NOTCH2: variants seen among roughly 807,000 people sequenced by gnomAD.
The protein encoded by NOTCH2 is notch receptor 2.
A neutral mutation model predicts 235.8 loss-of-function variants in NOTCH2; 29 were observed. The ratio of observed to expected loss-of-function variants is 0.12; its 90% CI spans 0.09 to 0.17. NOTCH2 has a LOEUF of 0.17. Ranked by LOEUF, NOTCH2 falls within the 10% of genes least tolerant of loss-of-function variation. The probability of loss-of-function intolerance (pLI) is 1.00; values close to 1 mark genes in which losing one functional copy is unlikely to be tolerated. For missense variants in NOTCH2, 2,285 were observed against 3,150.2 expected (o/e 0.73, Z 6.57); for synonymous variants, 1,086 against 1,141.5 (o/e 0.95, Z 0.98).
At position 119,916,476 on chromosome 1, in the gene NOTCH2, A is replaced by G. The variant is rs1649075432; in HGVS notation, c.6246T>C (p.Pro2082=). The change falls in exon 34 of 34, where the codon CCT becomes CCC. Residue 2082 remains proline, a synonymous_variant. Coordinates refer to ENST00000256646, the MANE Select transcript of NOTCH2 (RefSeq NM_024408.4). ...PGTVLTSALS[P]VICGPNRSFL... ...AAGATCTGTTGGGCCCACAGATGAC[A>G]GGTGAGAGAGCAGAAGTCAACACGG... is the stretch of plus-strand genomic sequence containing the variant. The G allele has an allele frequency of 6.2e-7, 1 of 1,612,756 alleles. No homozygotes were observed. Among genetic ancestry groups the G allele is most frequent in the Non-Finnish European group, 8.5e-7 (1 of 1,178,840 alleles).
rs3902727 is a variant in NOTCH2 at position 119,915,086 on chromosome 1, A to C, written c.*220T>G. On this transcript the variant is annotated 3_prime_UTR_variant, in exon 34 of 34. Transcript: ENST00000256646. ...CTTGTATTCATCTTGCATTTCCACA[A>C]ACTTGTCTTATTAGATTAGAATAAT... 9 of 587,610 alleles carry C rather than the reference A, an allele frequency of 1.5e-5. No homozygotes were observed. In the South Asian group the frequency reaches 1.8e-4, roughly 12 times the overall value. 36.4% of individuals were successfully genotyped at this position (587,610 alleles called of 1,614,324 possible).
chr1:119,975,323 T>A (rs1212825511), intron 5 of NOTCH2, among the ~76,000 whole-genome samples: 2 of 152,146 alleles, frequency 1.3e-5, no homozygotes, highest in Non-Finnish European at 2.9e-5. Context: ...TGTTGCTCCA[T>A]CCTCTGGCTT....
At chr1:120,042,164 A>G (rs1468448639) in intron 1 of NOTCH2, among the ~76,000 whole-genome samples, 3 of 102,872 alleles carry the variant, frequency 2.9e-5, no homozygotes, top group Non-Finnish European at 5.6e-5. Flanking sequence ...GCCCAGCTAT[A>G]ATACCATGGT....
At chr1:119,973,968 G>C (rs982279591) in intron 5 of NOTCH2, among the ~76,000 whole-genome samples, 26 of 138,128 alleles carry the variant, frequency 1.9e-4, no homozygotes, top group African/African-American at 7.3e-4. Flanking sequence ...GATACAACAA[G>C]TAAAGGAGGA....
At chr1:119,952,221 A>G (rs1650503218) in intron 14 of NOTCH2, among the ~76,000 whole-genome samples, 1 of 152,152 alleles carries the variant, frequency 6.6e-6, no homozygotes, top group Non-Finnish European at 1.5e-5. Context: ...ATGACTATCC[A>G]TTTGTTGGGT....
At chr1:119,973,782 T>C (rs763050520) in intron 5 of NOTCH2, among the ~76,000 whole-genome samples, 10 of 152,136 alleles carry the variant, frequency 6.6e-5, no homozygotes, top group South Asian at 4.1e-4. Context: ...ATTGAGCTTA[T>C]CCCACTGGTG....
At chr1:119,948,865 C>T in intron 16 of NOTCH2, 142 bp downstream of exon 16, 1 of 1,168,652 alleles carries the variant, frequency 8.6e-7, no homozygotes, top group East Asian at 2.3e-5. Context: ...CAAGTAGCAG[C>T]TCCTTTGCAA....
chr1:119,967,701 G>T (rs1233252455), intron 7 of NOTCH2, 80 bp from the exon 8 acceptor site: 3 of 1,223,818 alleles, frequency 2.5e-6, no homozygotes, highest in East Asian at 2.3e-5. Flanking sequence ...GCATCTGATG[G>T]TTATAGCATC....
intron 5 of NOTCH2, among the ~76,000 whole-genome samples, chr1:119,975,094 G>A (rs782575782): frequency 1.3e-5 from 2 of 152,170 alleles, no homozygotes; most frequent in South Asian, 2.1e-4. Context: ...ATAGCTCAGT[G>A]CTGATAAAGA....
At chr1:120,011,971 G>A (rs1259601652) in intron 2 of NOTCH2, among the ~76,000 whole-genome samples, 5 of 145,254 alleles carry the variant, frequency 3.4e-5, no homozygotes, top group South Asian at 2.2e-4. Flanking sequence ...AGCCAAGATC[G>A]CGCCACTGCA....
chr1:119,969,592 C>G lies in NOTCH2; in HGVS notation c.1027G>C (p.Ala343Pro), dbSNP rs781931665. The G allele has an allele frequency of 6.2e-7, 1 of 1,614,080 alleles. No homozygotes were observed. Among genetic ancestry groups the G allele is most frequent in the Admixed American group, 1.7e-5 (1 of 60,016 alleles). The part of the protein sequence containing the change: ...DDCSENIDDC[A>P]FASCTPGSTC... ...GAGCCTGGAGTACAGGAGGCGAAGGCACAATCATCAATGTTCTCACTGCAG... is the reference window on the plus strand; with the variant it reads ...GAGCCTGGAGTACAGGAGGCGAAGGGACAATCATCAATGTTCTCACTGCAG... Residue 343 changes from alanine (A) to proline (P), a missense_variant, in exon 6 of 34, where the codon GCC becomes CCC. Physicochemically the swap from Ala to Pro is conservative, Grantham distance 27. This residue lies in a region of NOTCH2 where 431 missense variants were observed against 757.8 expected (regional missense o/e 0.57). Coordinates refer to ENST00000256646, the MANE Select transcript of NOTCH2 (RefSeq NM_024408.4).
intron 1 of NOTCH2, among the ~76,000 whole-genome samples, chr1:120,051,261 A>ACACACG (rs1553214374): frequency 9.7e-6 from 1 of 103,158 alleles, no homozygotes; most frequent in Non-Finnish European, 1.7e-5. Context: ...ACACACACAC[A>ACACACG]CACACACACA....
rs587746751 is a variant in NOTCH2, at chr1:119,933,633, G to C, written c.3655+1839C>G. Among the ~76,000 whole-genome samples the C allele has an allele frequency of 5.3e-5, 8 of 152,278 alleles. No homozygotes were observed. The South Asian group carries it at 1.7e-3, about 32-fold the overall frequency. On this transcript the variant is annotated intron_variant, in intron 22 of 33. Coordinates refer to ENST00000256646, the MANE Select transcript of NOTCH2 (RefSeq NM_024408.4). ...AAAGCAGTGGGATGATATATTCAAA[G>C]TGCTGAAAGAAAAAGACTGTCAATG...
At chr1:120,037,150 T>G (rs1222758193) in intron 1 of NOTCH2, among the ~76,000 whole-genome samples, 2 of 152,186 alleles carry the variant, frequency 1.3e-5, no homozygotes, top group African/African-American at 2.4e-5. Flanking sequence ...CAGTGTGGTA[T>G]CTGTGCTTAG....
Position 119,916,515 on chromosome 1 carries a change from T to C in NOTCH2, c.6207A>G (p.Pro2069=). 1 of 1,612,660 alleles carries C rather than the reference T, an allele frequency of 6.2e-7. No homozygotes were observed. Among genetic ancestry groups the C allele is most frequent in the South Asian group, 1.1e-5 (1 of 91,072 alleles). Residue 2069 remains proline, a synonymous_variant, in exon 34 of 34, where the codon CCA becomes CCG. Coordinates refer to ENST00000256646, the MANE Select transcript of NOTCH2 (RefSeq NM_024408.4). ...AAGTCAACACGGTGCCTGGAGGGCT[T>C]GGGGTCACATTGTATTCATCCAGAA... ...VRLLDEYNVT[P]SPPGTVLTSA...
intron 23 of NOTCH2, among the ~76,000 whole-genome samples, chr1:119,928,085 C>T (rs1201198943): frequency 6.6e-6 from 1 of 152,176 alleles, no homozygotes; most frequent in African/African-American, 2.4e-5. Flanking sequence ...AATTTCAAAT[C>T]TGAGTATCCT....
At chr1:119,924,501 T>G (rs1386637570) in intron 25 of NOTCH2, among the ~76,000 whole-genome samples, 1 of 152,206 alleles carries the variant, frequency 6.6e-6, no homozygotes, top group Non-Finnish European at 1.5e-5. Context: ...CAGATGGGTA[T>G]GTCCTTATAG....
chr1:119,933,007 T>C (rs73004253), intron 22 of NOTCH2, among the ~76,000 whole-genome samples: 2,972 of 152,236 alleles, frequency 0.02, 81 homozygotes, highest in African/African-American at 0.064. Context: ...ACCTTATACA[T>C]AGAGTAAATT....
chr1:119,949,313 T>A (rs1650372970), intron 15 of NOTCH2, among the ~76,000 whole-genome samples, 187 bp from the exon 16 acceptor site: 1 of 145,424 alleles, frequency 6.9e-6, no homozygotes, highest in South Asian at 2.1e-4. Context: ...GGCAAGATAG[T>A]TAGGGACCTC....
Sources: allele counts gnomAD v4.1 joint callset (sites outside exome capture counted in the v4.1 genomes callset), GRCh38; gene constraint gnomAD v4.1.1; regional missense constraint gnomAD v4.1.1; transcripts MANE v1.5; gene names NCBI Gene and HGNC (gene_info 2026-07-23, HGNC 2026-07-21).